Variants in SERPINI2 observed in about 807,000 individuals in gnomAD.
The protein encoded by SERPINI2 is serpin family I member 2, also known as serpin I2.
SERPINI2 carries 48 observed loss-of-function variants against 47.3 expected under a neutral mutation model. That is an observed-to-expected ratio of 1.02 (90% CI 0.81 to 1.29). The LOEUF is 1.29. SERPINI2 is among the 50% of genes most tolerant of loss of function. The probability of loss-of-function intolerance (pLI) is 0.00; values close to 1 mark genes in which losing one functional copy is unlikely to be tolerated. For synonymous variants in SERPINI2, 135 were observed against 149.3 expected, an observed-to-expected ratio of 0.90 and a Z score of 0.70; for missense variants, 448 against 456.9, an observed-to-expected ratio of 0.98 and a Z score of 0.18.
chr3:167,446,090 A>C (rs1305271409), intron 8 of SERPINI2, among the ~76,000 whole-genome samples: 1 of 152,038 alleles, frequency 6.6e-6, no homozygotes, highest in Non-Finnish European at 1.5e-5. Context: ...AAACCATACA[A>C]TCTTTCTCTG....
chr3:167,473,752 A>G, intron 1 of SERPINI2: 2 of 1,481,726 alleles, frequency 1.3e-6, no homozygotes, highest in Admixed American at 4.4e-5. Flanking sequence ...CAGGTTTTGG[A>G]TCATATCTTA....
At position 167,465,473 on chromosome 3, in the gene SERPINI2, C is replaced by T; in HGVS notation, c.673+6G>A. ...TATGCTTAGGAACTGTGGTTTCTCA[C>T]ATTACCATATTTTGTTCTCAGAAGA... On this transcript the variant is annotated splice_donor_region_variant and intron_variant, in intron 4 of 8. Coordinates refer to ENST00000264677, the Ensembl canonical transcript of SERPINI2. 6.2e-7 allele frequency: 1 copy of T among 1,611,906 alleles called. No homozygotes were observed. Among genetic ancestry groups the T allele is most frequent in the Non-Finnish European group, 8.5e-7 (1 of 1,179,500 alleles).
At chr3:167,469,064 A>C (rs1750234148) in intron 2 of SERPINI2, among the ~76,000 whole-genome samples, 1 of 152,226 alleles carries the variant, frequency 6.6e-6, no homozygotes. Context: ...GTCAATGAAA[A>C]AAATGTCACT....
chr3:167,454,429 C>T (rs1749731045), intron 5 of SERPINI2, among the ~76,000 whole-genome samples: 2 of 152,314 alleles, frequency 1.3e-5, no homozygotes, highest in African/African-American at 4.8e-5. Context: ...CTTTCACCCT[C>T]TTCCTTGTAA....
intron 8 of SERPINI2, among the ~76,000 whole-genome samples, chr3:167,443,171 G>A (rs1469560962): frequency 6.6e-6 from 1 of 152,170 alleles, no homozygotes; most frequent in Admixed American, 6.5e-5. Context: ...GCAGTGGCGG[G>A]ATCTCCGCTC....
At chr3:167,443,168 C>T (rs1003448932) in intron 8 of SERPINI2, among the ~76,000 whole-genome samples, 1 of 152,134 alleles carries the variant, frequency 6.6e-6, no homozygotes, top group African/African-American at 2.4e-5. Context: ...AGTGCAGTGG[C>T]GGGATCTCCG....
chr3:167,471,717 A>G (rs750853043), exon 2 of SERPINI2: 2 of 1,613,650 alleles, frequency 1.2e-6, no homozygotes, highest in Admixed American at 3.3e-5. Context: ...TCCTTATGAG[A>G]TAAGGAAACC....
At chr3:167,449,210 A>G (rs1749569963) in intron 7 of SERPINI2, 106 bp downstream of exon 7, 4 of 773,560 alleles carry the variant, frequency 5.2e-6, no homozygotes, top group Non-Finnish European at 9.0e-6. Context: ...TGTATTAGAC[A>G]GCAGAAGAGA....
chr3:167,463,382 T>A (rs1325533529), intron 5 of SERPINI2, among the ~76,000 whole-genome samples: 1 of 152,102 alleles, frequency 6.6e-6, no homozygotes, highest in Non-Finnish European at 1.5e-5. Context: ...GGTTAGAGAC[T>A]CAGATTTTAA....
chr3:167,471,648 C>A (rs897711424), exon 2 of SERPINI2: 3 of 1,613,550 alleles, frequency 1.9e-6, no homozygotes, highest in Non-Finnish European at 2.5e-6. Context: ...TTTCCTTTGG[C>A]TCCCAGTTGT....
At chr3:167,467,863 T>C (rs1750186644) in intron 2 of SERPINI2, among the ~76,000 whole-genome samples, 1 of 152,222 alleles carries the variant, frequency 6.6e-6, no homozygotes, top group Non-Finnish European at 1.5e-5. Context: ...CATGAATTTA[T>C]ATACTTTGGC....
intron 5 of SERPINI2, among the ~76,000 whole-genome samples, chr3:167,460,995 A>G (rs1698580983): frequency 6.6e-6 from 1 of 152,208 alleles, no homozygotes; most frequent in South Asian, 2.1e-4. Flanking sequence ...TAAAAGTGCA[A>G]TGTAATAAGT....
chr3:167,463,690 G>A (rs1750050093), intron 5 of SERPINI2, among the ~76,000 whole-genome samples: 1 of 152,150 alleles, frequency 6.6e-6, no homozygotes, highest in Non-Finnish European at 1.5e-5. Context: ...TAAAGAAAGA[G>A]AAGATTAATA....
intron 6 of SERPINI2, among the ~76,000 whole-genome samples, chr3:167,451,506 G>T (rs1749639740): frequency 6.6e-6 from 1 of 152,148 alleles, no homozygotes; most frequent in Non-Finnish European, 1.5e-5. Context: ...TATCAGCATT[G>T]GCTATGACTA....
intron 6 of SERPINI2, among the ~76,000 whole-genome samples, chr3:167,450,665 T>TG (rs60166146): frequency 0.058 from 8,816 of 152,134 alleles, 807 homozygotes; most frequent in African/African-American, 0.2. Context: ...TGCGAGAGAA[T>TG]TTCTCTCAAG....
intron 7 of SERPINI2, among the ~76,000 whole-genome samples, chr3:167,448,435 A>G (rs1749541791): frequency 6.6e-6 from 1 of 152,234 alleles, no homozygotes; most frequent in African/African-American, 2.4e-5. Context: ...AGGAAAACCT[A>G]TGAAAATTTT....
intron 8 of SERPINI2, among the ~76,000 whole-genome samples, chr3:167,445,378 TA>T (rs1749443970): frequency 6.6e-6 from 1 of 152,214 alleles, no homozygotes; most frequent in Non-Finnish European, 1.5e-5. Context: ...AATGAACACT[TA>T]GTATGTGCCA....
At chr3:167,451,982 C>A (rs990604197) in intron 6 of SERPINI2, among the ~76,000 whole-genome samples, 2 of 152,068 alleles carry the variant, frequency 1.3e-5, no homozygotes, top group African/African-American at 4.8e-5. Context: ...GTAGCTACAC[C>A]GTGTGTGAAG....
intron 5 of SERPINI2, among the ~76,000 whole-genome samples, chr3:167,458,355 AT>A: frequency 7.3e-6 from 1 of 136,272 alleles, no homozygotes; most frequent in Admixed American, 8.2e-5. Flanking sequence ...GGTTCACGCC[AT>A]TTTCCTGCCT....
Sources: gnomAD v4.1 joint callset for allele counts (sites outside exome capture counted in the v4.1 genomes callset) on GRCh38, gnomAD v4.1.1 for gene constraint, MANE v1.5 for transcripts, NCBI Gene and HGNC (gene_info 2026-07-23, HGNC 2026-07-21) for gene names.